Variants in NXPH1 observed in about 807,000 individuals in gnomAD.
NXPH1 encodes neurexophilin 1, also known as neurexophilin-1.
In NXPH1, 5 loss-of-function variants were observed where a neutral mutation model predicts 23.7. That is an observed-to-expected ratio of 0.21 (90% CI 0.11 to 0.44). The LOEUF (loss-of-function observed/expected upper bound fraction) is 0.44. Ranked by LOEUF, NXPH1 falls within the 20% of genes least tolerant of loss-of-function variation. The pLI is 0.99. For missense variants in NXPH1, 324 were observed against 321.6 expected (o/e 1.01, Z -0.06); for synonymous variants, 144 against 122.2 (o/e 1.18, Z -1.18).
At chr7:8,548,148 C>A (rs1818224347) in intron 2 of NXPH1, among the ~76,000 whole-genome samples, 1 of 151,456 alleles carries the variant, frequency 6.6e-6, no homozygotes, top group East Asian at 2.0e-4. Flanking sequence ...ATCCTCCCAC[C>A]TTTTCAGATG....
intron 2 of NXPH1, among the ~76,000 whole-genome samples, chr7:8,489,943 A>C (rs1055990803): frequency 2.0e-5 from 3 of 152,030 alleles, no homozygotes; most frequent in Non-Finnish European, 4.4e-5. Flanking sequence ...AATTAAGCCA[A>C]ACAAATCTTA....
At chr7:8,571,734 A>C (rs1176861334) in intron 2 of NXPH1, among the ~76,000 whole-genome samples, 2 of 151,956 alleles carry the variant, frequency 1.3e-5, no homozygotes, top group Non-Finnish European at 2.9e-5. Flanking sequence ...TCAAGTATAA[A>C]TGCATAAAAA....
At chr7:8,594,047 T>C (rs913370018) in intron 2 of NXPH1, among the ~76,000 whole-genome samples, 1 of 152,072 alleles carries the variant, frequency 6.6e-6, no homozygotes, top group African/African-American at 2.4e-5. Context: ...ACCACTGCTT[T>C]AGGGCATTTT....
chr7:8,571,493 A>C (rs1241912234), intron 2 of NXPH1, among the ~76,000 whole-genome samples: 39 of 151,922 alleles, frequency 2.6e-4, no homozygotes, highest in African/African-American at 9.4e-4. Context: ...GACATGGAAG[A>C]TCCATAAGAA....
chr7:8,615,273 C>T (rs112087154), intron 2 of NXPH1, among the ~76,000 whole-genome samples: 1,583 of 152,104 alleles, frequency 0.01, 38 homozygotes, highest in African/African-American at 0.036. Context: ...GGAGGCAGTG[C>T]GCATGGTGGC....
At chr7:8,451,804 G>C (rs1816510852) in intron 2 of NXPH1, among the ~76,000 whole-genome samples, 1 of 152,220 alleles carries the variant, frequency 6.6e-6, no homozygotes, top group Non-Finnish European at 1.5e-5. Flanking sequence ...ATGGCTGACT[G>C]AGAAAGGTCG....
At chr7:8,635,415 A>G (rs1358888161) in intron 2 of NXPH1, among the ~76,000 whole-genome samples, 1 of 152,212 alleles carries the variant, frequency 6.6e-6, no homozygotes, top group Non-Finnish European at 1.5e-5. Flanking sequence ...TTTTAGTGGT[A>G]TAAATGCATT....
At chr7:8,634,626 C>T (rs1820187747) in intron 2 of NXPH1, among the ~76,000 whole-genome samples, 1 of 128,286 alleles carries the variant, frequency 7.8e-6, no homozygotes, top group Non-Finnish European at 1.6e-5. Context: ...TGAGTTCTTT[C>T]TTCTGCAGTT....
intron 2 of NXPH1, among the ~76,000 whole-genome samples, chr7:8,516,289 C>CT (rs1817686079): frequency 1.3e-5 from 2 of 152,006 alleles, no homozygotes; most frequent in Non-Finnish European, 2.9e-5. Context: ...TTGGGATTTG[C>CT]TTATTAGTTG....
At chr7:8,475,200 A>G (rs1816949261) in intron 2 of NXPH1, among the ~76,000 whole-genome samples, 1 of 152,046 alleles carries the variant, frequency 6.6e-6, no homozygotes, top group South Asian at 2.1e-4. Flanking sequence ...GTGTAAAGAG[A>G]TCAAGGGTGT....
intron 2 of NXPH1, among the ~76,000 whole-genome samples, chr7:8,516,841 G>A (rs1219769583): frequency 6.6e-6 from 1 of 152,080 alleles, no homozygotes; most frequent in Non-Finnish European, 1.5e-5. Context: ...ACTATAGAGA[G>A]AGCCAATGCC....
At chr7:8,502,179 T>G (rs1229792117) in intron 2 of NXPH1, among the ~76,000 whole-genome samples, 1 of 152,040 alleles carries the variant, frequency 6.6e-6, no homozygotes, top group African/African-American at 2.4e-5. Context: ...GATAATGTCT[T>G]TACTAAGTAT....
chr7:8,633,866 T>C (rs2115136425), intron 2 of NXPH1, among the ~76,000 whole-genome samples: 1 of 152,344 alleles, frequency 6.6e-6, no homozygotes, highest in African/African-American at 2.4e-5. Context: ...GTTAAATATT[T>C]TTCAATTTTT....
chr7:8,660,638 A>C (rs1391790594), intron 2 of NXPH1, among the ~76,000 whole-genome samples: 2 of 152,216 alleles, frequency 1.3e-5, no homozygotes, highest in Non-Finnish European at 2.9e-5. Flanking sequence ...CTACTCACTG[A>C]AACTGAAATC....
chr7:8,462,560 G>A (rs1455730802), intron 2 of NXPH1, among the ~76,000 whole-genome samples: 2 of 152,154 alleles, frequency 1.3e-5, no homozygotes, highest in Non-Finnish European at 2.9e-5. Flanking sequence ...AGATTCAAAT[G>A]CAGGAAAGCT....
intron 2 of NXPH1, among the ~76,000 whole-genome samples, chr7:8,456,694 T>TA (rs1816601398): frequency 6.6e-6 from 1 of 152,182 alleles, no homozygotes; most frequent in Non-Finnish European, 1.5e-5. Context: ...TTTTCTATTA[T>TA]CCATAACTTT....
intron 2 of NXPH1, among the ~76,000 whole-genome samples, chr7:8,743,222 G>A (rs1780396366): frequency 6.6e-6 from 1 of 151,918 alleles, no homozygotes; most frequent in African/African-American, 2.4e-5. Flanking sequence ...CATACATTTG[G>A]TGAAATAAAT....
rs1459268741 is a variant in NXPH1, at chr7:8,721,915, C to A, written c.55-29093C>A. On this transcript the variant is annotated intron_variant, in intron 2 of 2. Transcript: ENST00000405863. ...AAATTAATGATACACTTAGAATATGCTATTTAATTTCACCACCCCCATGGC... is the reference window on the plus strand; with the variant it reads ...AAATTAATGATACACTTAGAATATGATATTTAATTTCACCACCCCCATGGC... 9.2e-5 allele frequency among the ~76,000 whole-genome samples: 14 copies of A among 152,264 alleles called. No individual in the cohort carries two copies. In the East Asian group the frequency reaches 2.7e-3, roughly 29 times the overall value.
rs142484377 is a variant in NXPH1, at chr7:8,604,437, C to A, written c.55-146571C>A. Reference sequence around the variant, plus strand: ...ACTAAAATGGTTTCGCCTGCATTTTCTTTTTAGTTGCGCTATTCCTGCTTT... The same window carrying A: ...ACTAAAATGGTTTCGCCTGCATTTTATTTTTAGTTGCGCTATTCCTGCTTT... On this transcript the variant is annotated intron_variant, in intron 2 of 2. Transcript: ENST00000405863. 4.4e-3 allele frequency among the ~76,000 whole-genome samples: 674 copies of A among 152,182 alleles called. 5 individuals carry two copies. Among genetic ancestry groups the A allele is most frequent in the African/African-American group, 0.015 (636 of 41,546 alleles).
Sources: gnomAD v4.1 joint callset for allele counts (sites outside exome capture counted in the v4.1 genomes callset) on GRCh38, gnomAD v4.1.1 for gene constraint, MANE v1.5 for transcripts, NCBI Gene and HGNC (gene_info 2026-07-23, HGNC 2026-07-21) for gene names.